Variants in KCNAB1 observed in about 807,000 individuals in gnomAD.
KCNAB1 encodes voltage-gated potassium channel subunit beta-1.
A neutral mutation model predicts 64.6 loss-of-function variants in KCNAB1; 35 were observed. The ratio of observed to expected loss-of-function variants is 0.54; its 90% confidence interval spans 0.41 to 0.72. The LOEUF (loss-of-function observed/expected upper bound fraction) is 0.72. Ranked by LOEUF, KCNAB1 falls within the 30% of genes least tolerant of loss-of-function variation. KCNAB1 has a pLI of 0.00. For missense variants in KCNAB1, 401 were observed against 512.9 expected (o/e 0.78, Z 2.11); for synonymous variants, 177 against 183.8 (o/e 0.96, Z 0.30).
chr3:156,159,807 AC>A (rs139918753), intron 1 of KCNAB1, among the ~76,000 whole-genome samples: 1,753 of 152,312 alleles, frequency 0.012, 32 homozygotes, highest in African/African-American at 0.04. Context: ...CTTTTGATCC[AC>A]CAGTTTTCTC....
intron 1 of KCNAB1, among the ~76,000 whole-genome samples, chr3:156,186,602 T>A (rs1713207948): frequency 6.6e-6 from 1 of 152,182 alleles, no homozygotes; most frequent in African/African-American, 2.4e-5. Context: ...GCTGCCTGTC[T>A]TTCCTTCCTA....
At chr3:156,374,475 A>C (rs1352935764) in intron 1 of KCNAB1, among the ~76,000 whole-genome samples, 1 of 94,626 alleles carries the variant, frequency 1.1e-5, no homozygotes, top group Non-Finnish European at 2.1e-5. Flanking sequence ...TTGCACATAC[A>C]AAGTGTTTAT....
intron 13 of KCNAB1, among the ~76,000 whole-genome samples, chr3:156,533,165 T>C (rs1481455615): frequency 1.3e-5 from 2 of 152,164 alleles, no homozygotes; most frequent in Non-Finnish European, 2.9e-5. Context: ...TTTCAGGTTA[T>C]GAAAAGGGCT....
At chr3:156,482,998 A>G (rs918645447) in intron 8 of KCNAB1, among the ~76,000 whole-genome samples, 4 of 152,250 alleles carry the variant, frequency 2.6e-5, no homozygotes, top group African/African-American at 7.2e-5. Context: ...ATTAAAACAC[A>G]TTATGAGAAG....
At chr3:156,399,120 T>G (rs1486861347) in intron 1 of KCNAB1, among the ~76,000 whole-genome samples, 2 of 152,218 alleles carry the variant, frequency 1.3e-5, no homozygotes, top group African/African-American at 4.8e-5. Flanking sequence ...CATGATTATT[T>G]TATTGGATAT....
chr3:156,370,887 G>A lies in KCNAB1; in HGVS notation c.276-50729G>A, dbSNP rs1191936633. 3.3e-5 allele frequency among the ~76,000 whole-genome samples: 5 copies of A among 152,338 alleles called. No homozygotes were observed. The East Asian group carries it at 5.8e-4, about 18-fold the overall frequency. ...CATGGAAACGATCCAGTGGCGGCAG[G>A]CGGCACAGGAAAACTGCAATGGCTT... On this transcript the variant is annotated intron_variant, in intron 1 of 13. Transcript: ENST00000490337.
chr3:156,175,273 C>T lies in KCNAB1; in HGVS notation c.275+54387C>T, dbSNP rs537601730. On this transcript the variant is annotated intron_variant, in intron 1 of 13. Transcript: ENST00000490337. ...AAAAAATCCCAACCAGCAAATTTGT[C>T]ACATTGGGCAGGCATTAGAAAACAG... Among the ~76,000 whole-genome samples, 47 of 152,058 alleles carry T rather than the reference C, an allele frequency of 3.1e-4. 1 individual carries two copies. The South Asian group carries it at 8.9e-3, about 29-fold the overall frequency.
intron 1 of KCNAB1, among the ~76,000 whole-genome samples, chr3:156,345,491 T>C (rs534863468): frequency 2.0e-4 from 30 of 152,316 alleles, no homozygotes; most frequent in African/African-American, 7.2e-4. Context: ...GGTGTTCCAT[T>C]TGAGAACCTT....
Position 156,537,167 on chromosome 3 carries a change from A to T in KCNAB1, c.*420A>T, listed in dbSNP as rs1382563817. The T allele has an allele frequency of 2.5e-6, 1 of 398,138 alleles. No individual in the cohort carries two copies. The highest frequency in any genetic ancestry group is 4.4e-5 in the Admixed American group (1 of 22,698). The allele number at this position is 398,138 out of a possible 1,614,324, so 24.7% of individuals were successfully genotyped here. A position where few individuals can be genotyped will look rare whatever the true frequency, so the allele number is the denominator to read the frequency against. Reference sequence around the variant, plus strand: ...GTAGATAGACTAAATTCAGTGAAGGAAAGGAATTGAGAGATTTTTCTTAGT... The same window carrying T: ...GTAGATAGACTAAATTCAGTGAAGGTAAGGAATTGAGAGATTTTTCTTAGT... On this transcript the variant is annotated 3_prime_UTR_variant, in exon 14 of 14. Transcript: ENST00000490337.
chr3:156,402,681 C>T (rs1012746025), intron 1 of KCNAB1, among the ~76,000 whole-genome samples: 3 of 152,182 alleles, frequency 2.0e-5, no homozygotes, highest in Non-Finnish European at 2.9e-5. Flanking sequence ...TAGCTTACCT[C>T]TGGCAGTGGC....
At chr3:156,517,957 C>T (rs1717668155) in intron 11 of KCNAB1, among the ~76,000 whole-genome samples, 1 of 152,198 alleles carries the variant, frequency 6.6e-6, no homozygotes, top group Non-Finnish European at 1.5e-5. Context: ...CCCTCAAAGA[C>T]ATCTTTATTT....
rs1328280869 is a variant in KCNAB1, at chr3:156,536,534, TTA to T, written c.1171-123_1171-122del. ...TGTGATGGTGTTGGGGGCGGGGGGC[TTA>T]GATTTCAGCTGTGGTTTATGAAGAT... On this transcript the variant is annotated intron_variant, in intron 13 of 13. Transcript: ENST00000490337. 18 of 717,974 alleles carry T rather than the reference TTA, an allele frequency of 2.5e-5. No homozygotes were observed. The East Asian group carries it at 4.0e-4, about 16-fold the overall frequency. 44.5% of individuals were successfully genotyped at this position (717,974 alleles called of 1,614,324 possible). A position where few individuals can be genotyped will look rare whatever the true frequency, so the allele number is the denominator to read the frequency against.
At chr3:156,434,716 A>G (rs1049615207) in intron 2 of KCNAB1, among the ~76,000 whole-genome samples, 2 of 152,208 alleles carry the variant, frequency 1.3e-5, no homozygotes, top group African/African-American at 2.4e-5. Flanking sequence ...ATGTAAAATT[A>G]ATATGAAATA....
At chr3:156,534,882 T>TATG (rs1024710926) in intron 13 of KCNAB1, among the ~76,000 whole-genome samples, 1 of 152,234 alleles carries the variant, frequency 6.6e-6, no homozygotes, top group Non-Finnish European at 1.5e-5. Context: ...CTTGTGATAC[T>TATG]ATGTCTTGTT....
intron 1 of KCNAB1, among the ~76,000 whole-genome samples, chr3:156,233,829 C>T (rs112634547): frequency 1.3e-5 from 2 of 151,964 alleles, no homozygotes; most frequent in Admixed American, 6.6e-5. Flanking sequence ...ATGGCTGCAG[C>T]GTTTGGAACC....
At chr3:156,482,254 T>G (rs1714873058) in intron 8 of KCNAB1, among the ~76,000 whole-genome samples, 1 of 151,642 alleles carries the variant, frequency 6.6e-6, no homozygotes. Flanking sequence ...TTCAAAGATG[T>G]CTCTAGAAAA....
intron 1 of KCNAB1, among the ~76,000 whole-genome samples, chr3:156,175,129 G>A (rs1712264868): frequency 6.6e-6 from 1 of 152,084 alleles, no homozygotes; most frequent in Admixed American, 6.5e-5. Flanking sequence ...AGAAAACAGA[G>A]GTGCTTTGGG....
chr3:156,529,871 G>A (rs890725418), intron 12 of KCNAB1, among the ~76,000 whole-genome samples: 10 of 152,164 alleles, frequency 6.6e-5, no homozygotes, highest in Non-Finnish European at 1.3e-4. Flanking sequence ...GGTGCTGGTG[G>A]GGCATCTAGC....
intron 13 of KCNAB1, 83 bp downstream of exon 13, chr3:156,531,580 C>A (rs578260398): frequency 2.7e-4 from 271 of 1,020,822 alleles, no homozygotes; most frequent in Non-Finnish European, 3.4e-4. Flanking sequence ...ATCTCTCCCC[C>A]TCTCTGTCCT....
Sources: allele counts gnomAD v4.1 joint callset (sites outside exome capture counted in the v4.1 genomes callset), GRCh38; gene constraint gnomAD v4.1.1; transcripts MANE v1.5; gene names NCBI Gene and HGNC (gene_info 2026-07-23, HGNC 2026-07-21).